The following ZNF676 variants were observed in gnomAD, a reference collection of about 807,000 sequenced individuals.
ZNF676 encodes zinc finger protein 676.
Under a neutral mutation model 6.0 loss-of-function variants are expected in ZNF676, and 4 were observed. That is an observed-to-expected ratio of 0.67 (90% CI 0.33 to 1.53). The LOEUF is 1.53. ZNF676 is among the 40% of genes most tolerant of loss of function. The pLI is 0.06. For synonymous variants in ZNF676, 198 were observed against 223.1 expected (o/e 0.89, Z 1.00); for missense variants, 644 against 679.7 (o/e 0.95, Z 0.58).
At chr19:22,241,500 A>G in the ZNF676 span, among the ~76,000 whole-genome samples, 2 of 151,868 alleles carry the variant, frequency 1.3e-5, no homozygotes, top group East Asian at 3.9e-4. Context: ...TCTGAGTGGG[A>G]GATTCAGAGC....
the ZNF676 span, among the ~76,000 whole-genome samples, chr19:22,255,857 T>C: frequency 9.5e-5 from 13 of 137,472 alleles, no homozygotes; most frequent in African/African-American, 3.3e-4. Context: ...CAAGACTCCA[T>C]CTCAAAAAAA....
At chr19:22,206,414 T>G (rs1028365782) in intron 1 of ZNF676, among the ~76,000 whole-genome samples, 22 of 152,174 alleles carry the variant, frequency 1.4e-4, no homozygotes, top group African/African-American at 5.3e-4. Flanking sequence ...GGCTCATGCC[T>G]GTAATCGCAG....
intron 1 of ZNF676, chr19:22,203,231 T>C (rs1171361242): frequency 1.3e-5 from 2 of 157,054 alleles, no homozygotes; most frequent in African/African-American, 4.8e-5. Flanking sequence ...GCCTCAGTTT[T>C]TATTTATAAT....
chr19:22,212,727 T>C (rs1415919504), intron 1 of ZNF676, among the ~76,000 whole-genome samples: 2 of 147,814 alleles, frequency 1.4e-5, no homozygotes, highest in South Asian at 2.1e-4. Flanking sequence ...CCGTGTGCGG[T>C]GGCTCACGTC....
the ZNF676 span, among the ~76,000 whole-genome samples, chr19:22,232,616 A>G: frequency 2.0e-5 from 3 of 152,188 alleles, no homozygotes; most frequent in African/African-American, 7.2e-5. Context: ...CAGGATACAC[A>G]GCCTTCCCAA....
chr19:22,230,206 G>C, the ZNF676 span, among the ~76,000 whole-genome samples: 1 of 152,166 alleles, frequency 6.6e-6, no homozygotes, highest in Non-Finnish European at 1.5e-5. Flanking sequence ...CAGGGACATG[G>C]ATGAAGCTGG....
At chr19:22,228,075 C>T in the ZNF676 span, among the ~76,000 whole-genome samples, 1 of 152,192 alleles carries the variant, frequency 6.6e-6, no homozygotes, top group African/African-American at 2.4e-5. Flanking sequence ...AGGCCAATAT[C>T]CCTGATGAAC....
chr19:22,216,934 TA>T (rs368316740), upstream of ZNF676, among the ~76,000 whole-genome samples: 6,754 of 136,774 alleles, frequency 0.049, 468 homozygotes, highest in African/African-American at 0.16. Flanking sequence ...AGACTCTTTC[TA>T]AAAAAAAAAA....
At chr19:22,248,637 C>T in the ZNF676 span, among the ~76,000 whole-genome samples, 1 of 152,212 alleles carries the variant, frequency 6.6e-6, no homozygotes, top group Admixed American at 6.5e-5. Context: ...CTTTCCCCAA[C>T]CTGCCTCAGG....
chr19:22,215,165 G>C (rs1278584341), intron 1 of ZNF676, among the ~76,000 whole-genome samples: 1 of 151,476 alleles, frequency 6.6e-6, no homozygotes, highest in African/African-American at 2.4e-5. Context: ...CCCTTCAATA[G>C]ACCATAAACT....
chr19:22,206,041 A>G (rs1352952615), intron 1 of ZNF676, among the ~76,000 whole-genome samples: 1 of 135,362 alleles, frequency 7.4e-6, no homozygotes, highest in Admixed American at 8.0e-5. Context: ...GAACAAATAC[A>G]TCCTCCCAAA....
chr19:22,211,367 A>G (rs1236774869), intron 1 of ZNF676, among the ~76,000 whole-genome samples: 3 of 152,130 alleles, frequency 2.0e-5, no homozygotes, highest in Non-Finnish European at 2.9e-5. Flanking sequence ...TCCGTTTGCT[A>G]GCTCAAAATT....
chr19:22,259,431 GA>G, the ZNF676 span, among the ~76,000 whole-genome samples: 1 of 152,016 alleles, frequency 6.6e-6, no homozygotes, highest in African/African-American at 2.4e-5. Flanking sequence ...GACCCAGGAA[GA>G]AAAAAAGTCT....
At chr19:22,189,416 C>A (rs1451403147) in intron 2 of ZNF676, among the ~76,000 whole-genome samples, 5 of 151,964 alleles carry the variant, frequency 3.3e-5, no homozygotes, top group African/African-American at 9.7e-5. Context: ...CCATAAAAAT[C>A]CTAGAAGAAA....
chr19:22,233,385 G>C, the ZNF676 span, among the ~76,000 whole-genome samples: 2 of 151,786 alleles, frequency 1.3e-5, no homozygotes, highest in African/African-American at 4.8e-5. Flanking sequence ...GCCCTGTTTT[G>C]TATACATTGT....
At chr19:22,197,180 T>C (rs1210108299), upstream of ZNF676, among the ~76,000 whole-genome samples, 1 of 151,762 alleles carries the variant, frequency 6.6e-6, no homozygotes, top group Non-Finnish European at 1.5e-5. Flanking sequence ...AAATTAGCCA[T>C]GCATGGTGGC....
At chr19:22,214,598 CAA>C (rs71924274) in intron 1 of ZNF676, among the ~76,000 whole-genome samples, 10,390 of 86,938 alleles carry the variant, frequency 0.12, 1,260 homozygotes, top group African/African-American at 0.35. Flanking sequence ...GACTTGGTCT[CAA>C]AAAAAAAAAA....
chr19:22,213,224 A>G (rs1440991349), intron 1 of ZNF676, among the ~76,000 whole-genome samples: 1 of 152,138 alleles, frequency 6.6e-6, no homozygotes, highest in East Asian at 1.9e-4. Context: ...AAGTTCTTGC[A>G]CCATCTCACT....
chr19:22,196,175 A>G (rs564189588), intron 1 of ZNF676, among the ~76,000 whole-genome samples: 26 of 152,174 alleles, frequency 1.7e-4, no homozygotes, highest in Non-Finnish European at 3.7e-4. Context: ...ACTGGAGGCT[A>G]TATGATCAAA....
Sources: allele counts gnomAD v4.1 joint callset (sites outside exome capture counted in the v4.1 genomes callset), GRCh38; gene constraint gnomAD v4.1.1; transcripts MANE v1.5; gene names NCBI Gene and HGNC (gene_info 2026-07-23, HGNC 2026-07-21).